TRAPPC9: variants seen among roughly 807,000 people sequenced by gnomAD.
TRAPPC9 encodes the protein IKK2 binding protein.
Under a neutral mutation model 124.0 loss-of-function variants are expected in TRAPPC9, and 83 were observed. That is an observed-to-expected ratio of 0.67 (90% confidence interval 0.56 to 0.80). The LOEUF is 0.80. Among genes scored for constraint, TRAPPC9 ranks in the 30% least tolerant of loss-of-function variants. TRAPPC9 has a pLI of 0.00. For synonymous variants in TRAPPC9, 638 were observed against 617.5 expected (o/e 1.03, Z -0.49); for missense variants, 1,302 against 1,508.3 (o/e 0.86, Z 2.27).
Position 140,413,742 on chromosome 8 carries a change from T to C in TRAPPC9, c.887-8044A>G, listed in dbSNP as rs182862833. ...GTTCTCATTGTTCAATTCCCACCTA[T>C]GAGTGAGAATATGCGGTGTTTGGTT... On this transcript the variant is annotated intron_variant, in intron 5 of 22. Coordinates refer to ENST00000438773, the MANE Select transcript of TRAPPC9 (RefSeq NM_001160372.4). Among the ~76,000 whole-genome samples the C allele has an allele frequency of 1.6e-4, 24 of 146,604 alleles. No homozygotes were observed. In the East Asian group the frequency reaches 4.0e-3, roughly 24 times the overall value.
chr8:140,121,825 C>T (rs1398721975), intron 17 of TRAPPC9, among the ~76,000 whole-genome samples: 3 of 152,118 alleles, frequency 2.0e-5, no homozygotes, highest in Admixed American at 6.5e-5. Flanking sequence ...GTCTGTAGGG[C>T]AGGCTCTTAA....
At chr8:140,255,970 T>C (rs1161631172) in intron 15 of TRAPPC9, among the ~76,000 whole-genome samples, 2 of 152,146 alleles carry the variant, frequency 1.3e-5, no homozygotes, top group African/African-American at 4.8e-5. Flanking sequence ...GAAAGTATTA[T>C]CCAAAACTCA....
intron 18 of TRAPPC9, among the ~76,000 whole-genome samples, chr8:140,014,567 A>T (rs1460811578): frequency 6.6e-6 from 1 of 151,904 alleles, no homozygotes; most frequent in African/African-American, 2.4e-5. Flanking sequence ...TAAGAGGCTC[A>T]CTCTCCCCCT....
At chr8:140,043,525 G>C (rs549159796) in intron 17 of TRAPPC9, among the ~76,000 whole-genome samples, 1 of 152,084 alleles carries the variant, frequency 6.6e-6, no homozygotes, top group African/African-American at 2.4e-5. Flanking sequence ...TGGCTACCCC[G>C]AACCCCAGCC....
rs1554629034 is a variant in TRAPPC9 at position 140,129,003 on chromosome 8, A to AT, written c.2556+92455dup. Among the ~76,000 whole-genome samples the AT allele has an allele frequency of 3.3e-3, 435 of 132,786 alleles. 3 individuals carry two copies. Among genetic ancestry groups the AT allele is most frequent in the African/African-American group, 0.011 (418 of 36,566 alleles). The allele number at this position is 132,786 out of a possible 152,430, so 87.1% of individuals were successfully genotyped here. A position where few individuals can be genotyped will look rare whatever the true frequency, so the allele number is the denominator to read the frequency against. ...TATATATATACATATATATATATATATTAAAAAAAAAAAGAAGACTCCTCT... is the reference window on the plus strand; with the variant it reads ...TATATATATACATATATATATATATATTTAAAAAAAAAAAGAAGACTCCTCT... On this transcript the variant is annotated intron_variant, in intron 17 of 22. Coordinates refer to ENST00000438773, the MANE Select transcript of TRAPPC9 (RefSeq NM_001160372.4).
intron 9 of TRAPPC9, among the ~76,000 whole-genome samples, chr8:140,314,675 T>A (rs2066398294): frequency 6.6e-6 from 1 of 152,244 alleles, no homozygotes; most frequent in African/African-American, 2.4e-5. Context: ...ATTTCACACC[T>A]GAGGAAGACC....
At chr8:139,993,193 G>A (rs1423766848) in intron 18 of TRAPPC9, among the ~76,000 whole-genome samples, 1 of 152,074 alleles carries the variant, frequency 6.6e-6, no homozygotes, top group Non-Finnish European at 1.5e-5. Flanking sequence ...TTTGAATTCT[G>A]AATTTATAGA....
chr8:139,758,196 G>A (rs1382661766), intron 21 of TRAPPC9, among the ~76,000 whole-genome samples: 3 of 152,242 alleles, frequency 2.0e-5, no homozygotes, highest in Non-Finnish European at 4.4e-5. Context: ...ATGGCTGGAG[G>A]TGCCCATCGC....
intron 7 of TRAPPC9, among the ~76,000 whole-genome samples, chr8:140,390,040 A>G (rs1034902931): frequency 5.9e-5 from 9 of 152,182 alleles, no homozygotes; most frequent in Non-Finnish European, 1.2e-4. Context: ...GTGGTGGCTC[A>G]TGCCTGTAAT....
intron 5 of TRAPPC9, among the ~76,000 whole-genome samples, chr8:140,419,222 A>C (rs1193455042): frequency 2.0e-5 from 3 of 152,046 alleles, no homozygotes; most frequent in Non-Finnish European, 4.4e-5. Context: ...AGGTCAGGAG[A>C]TTGAGACCAT....
intron 21 of TRAPPC9, among the ~76,000 whole-genome samples, chr8:139,839,729 C>T (rs1318756638): frequency 6.6e-6 from 1 of 152,196 alleles, no homozygotes; most frequent in Non-Finnish European, 1.5e-5. Context: ...CTGCCTCCAG[C>T]TCTGCTGGGT....
intron 21 of TRAPPC9, among the ~76,000 whole-genome samples, chr8:139,879,585 T>C (rs2131082488): frequency 6.6e-6 from 1 of 152,076 alleles, no homozygotes; most frequent in Non-Finnish European, 1.5e-5. Flanking sequence ...CCATCTCCCC[T>C]CCTCCCAAAT....
chr8:139,998,855 G>C (rs527936936), intron 18 of TRAPPC9, among the ~76,000 whole-genome samples: 4 of 152,050 alleles, frequency 2.6e-5, no homozygotes, highest in African/African-American at 4.8e-5. Flanking sequence ...GACATGAGGA[G>C]GGGAAAGATA....
rs954672282 is a variant in TRAPPC9 at position 139,832,073 on chromosome 8, G to A, written c.3055+53806C>T. On this transcript the variant is annotated intron_variant, in intron 21 of 22. Coordinates refer to ENST00000438773, the MANE Select transcript of TRAPPC9 (RefSeq NM_001160372.4). The stretch of plus-strand genomic sequence containing the variant: ...ACCTACCTTTCATGTTGTCACAGGC[G>A]TCCCCTGCCAGTAACCAGCTCTGAG... Among the ~76,000 whole-genome samples, 14 of 152,200 alleles carry A rather than the reference G, an allele frequency of 9.2e-5. No homozygotes were observed. The East Asian group carries it at 1.4e-3, about 15-fold the overall frequency.
intron 21 of TRAPPC9, among the ~76,000 whole-genome samples, chr8:139,757,657 G>C (rs1354767108): frequency 6.6e-6 from 1 of 152,054 alleles, no homozygotes; most frequent in Admixed American, 6.5e-5. Context: ...GTGCCATCTA[G>C]AGGGAGTCCC....
chr8:139,921,666 G>C (rs1300762860), intron 19 of TRAPPC9, among the ~76,000 whole-genome samples: 1 of 151,692 alleles, frequency 6.6e-6, no homozygotes, highest in Non-Finnish European at 1.5e-5. Flanking sequence ...TACTTGCAAA[G>C]AGCCAGGTGG....
intron 21 of TRAPPC9, among the ~76,000 whole-genome samples, chr8:139,791,907 G>A (rs1249320567): frequency 6.6e-6 from 1 of 152,152 alleles, no homozygotes; most frequent in Non-Finnish European, 1.5e-5. Flanking sequence ...CGTGGGGTGG[G>A]GGTGTGGAAG....
intron 17 of TRAPPC9, among the ~76,000 whole-genome samples, chr8:140,088,365 C>G (rs1006410038): frequency 6.6e-6 from 1 of 152,132 alleles, no homozygotes; most frequent in Non-Finnish European, 1.5e-5. Context: ...TCCTCAAAAC[C>G]ATCTTAGTGA....
At chr8:140,452,033 A>T (rs981672656) in intron 1 of TRAPPC9, among the ~76,000 whole-genome samples, 2 of 151,724 alleles carry the variant, frequency 1.3e-5, no homozygotes, top group Admixed American at 1.3e-4. Context: ...AGGCAGGAAA[A>T]TCACTGGAAC....
Sources: gnomAD v4.1 joint callset for allele counts (sites outside exome capture counted in the v4.1 genomes callset) on GRCh38, gnomAD v4.1.1 for gene constraint, MANE v1.5 for transcripts, NCBI Gene and HGNC (gene_info 2026-07-23, HGNC 2026-07-21) for gene names.